Variants in ATP10D observed in about 807,000 individuals in gnomAD.
ATP10D encodes phospholipid-transporting ATPase VD.
Under a neutral mutation model 144.8 loss-of-function variants are expected in ATP10D, and 89 were observed. The observed-to-expected ratio is 0.61, with a 90% CI of 0.52 to 0.73. The LOEUF (loss-of-function observed/expected upper bound fraction) is 0.73. Ranked by LOEUF, ATP10D falls within the 30% of genes least tolerant of loss-of-function variation. The probability of loss-of-function intolerance (pLI) is 0.00; values close to 1 mark genes in which losing one functional copy is unlikely to be tolerated. For synonymous variants in ATP10D, 571 were observed against 615.1 expected, an observed-to-expected ratio of 0.93 and a Z score of 1.06; for missense variants, 1,603 against 1,714.8, an observed-to-expected ratio of 0.93 and a Z score of 1.15.
At chr4:47,508,759 G>T (rs1443626593) in intron 1 of ATP10D, among the ~76,000 whole-genome samples, 1 of 152,088 alleles carries the variant, frequency 6.6e-6, no homozygotes, top group Admixed American at 6.5e-5. Context: ...TTAAAATCTT[G>T]CTTTTATATG....
intron 15 of ATP10D, among the ~76,000 whole-genome samples, chr4:47,565,353 G>A (rs1719569518): frequency 6.6e-6 from 1 of 152,160 alleles, no homozygotes; most frequent in South Asian, 2.1e-4. Flanking sequence ...TCCCCTTTAC[G>A]GTGGCCCAGT....
chr4:47,502,208 T>C (rs1160459913), intron 1 of ATP10D, among the ~76,000 whole-genome samples: 18 of 152,210 alleles, frequency 1.2e-4, no homozygotes, highest in South Asian at 2.1e-4. Flanking sequence ...GGCGCGGTGG[T>C]TTGTGCCTGT....
Position 47,525,623 on chromosome 4 carries a change from A to C in ATP10D, c.757A>C (p.Ser253Arg). 1 of 1,613,224 alleles carries C rather than the reference A, an allele frequency of 6.2e-7. No individual in the cohort carries two copies. Among genetic ancestry groups the C allele is most frequent in the South Asian group, 1.1e-5 (1 of 91,066 alleles). ...IECESPNNDL[S>R]RFRGFLEHSN... ...ATGTGAAAGCCCAAACAATGACCTCAGCAGATTCCGAGGCTTCCTGTGAGT... is the reference window on the plus strand; with the variant it reads ...ATGTGAAAGCCCAAACAATGACCTCCGCAGATTCCGAGGCTTCCTGTGAGT... The change falls in exon 5 of 23, where the codon AGC (serine) becomes CGC (arginine). Residue 253 changes from serine to arginine, a missense_variant. Transcript: ENST00000273859.
chr4:47,554,983 T>C, intron 11 of ATP10D, 69 bp downstream of exon 11: 1 of 1,296,456 alleles, frequency 7.7e-7, no homozygotes, highest in Non-Finnish European at 1.1e-6. Flanking sequence ...AATGTATCTG[T>C]ACTGAGCTTG....
intron 1 of ATP10D, among the ~76,000 whole-genome samples, chr4:47,508,867 A>T (rs1450964357): frequency 4.6e-5 from 7 of 152,206 alleles, no homozygotes. Context: ...TTGCTGTAGG[A>T]CTAATGGTTT....
intron 18 of ATP10D, among the ~76,000 whole-genome samples, chr4:47,574,064 A>G (rs780733280): frequency 3.7e-4 from 57 of 152,210 alleles, no homozygotes; most frequent in Non-Finnish European, 7.2e-4. Context: ...GTAATTTACA[A>G]TTCTAGAACT....
At chr4:47,511,892 C>G (rs1042515484) in intron 1 of ATP10D, among the ~76,000 whole-genome samples, 1 of 152,180 alleles carries the variant, frequency 6.6e-6, no homozygotes, top group African/African-American at 2.4e-5. Flanking sequence ...AGAATAAGCT[C>G]CAGTGAACAA....
chr4:47,531,787 T>C lies in ATP10D; in HGVS notation c.777-3722T>C, dbSNP rs138272070. On this transcript the variant is annotated intron_variant, in intron 5 of 22. Transcript: ENST00000273859. ...ATTTTTTCACCTGAGGTCAGATCTG[T>C]CTTAGGGTGCAGCCTATTCAGCTGT... Among the ~76,000 whole-genome samples the C allele has an allele frequency of 3.5e-4, 53 of 152,256 alleles. No individual in the cohort carries two copies. In the East Asian group the frequency reaches 9.1e-3, roughly 26 times the overall value.
rs757594467 is a variant in ATP10D at position 47,535,990 on chromosome 4, G to A, written c.972G>A (p.Trp324Ter). The A allele has an allele frequency of 2.5e-6, 4 of 1,613,040 alleles. No individual in the cohort carries two copies. The South Asian group carries it at 4.4e-5, about 18-fold the overall frequency. The part of the protein sequence containing the change: ...LERRANTDVL[W>*]CVMLLVIMCL... ...GAAGAGCAAACACAGATGTCCTCTG[G>A]TGTGTCATGCTTCTGGTCATAATGT... The change falls in exon 7 of 23, where the codon TGG (tryptophan) becomes TGA (stop). Residue 324 changes from tryptophan (W) to a stop codon, truncating the protein, a stop_gained. Coordinates refer to ENST00000273859, the MANE Select transcript of ATP10D (RefSeq NM_020453.4). LOFTEE classifies it high-confidence loss of function.
At chr4:47,520,561 TTTTTG>T (rs1156481129) in intron 3 of ATP10D, among the ~76,000 whole-genome samples, 1 of 152,128 alleles carries the variant, frequency 6.6e-6, no homozygotes, top group East Asian at 1.9e-4. Flanking sequence ...GGTAACTTCT[TTTTTG>T]TTTTGTTTTG....
intron 1 of ATP10D, among the ~76,000 whole-genome samples, chr4:47,505,205 G>A (rs540972229): frequency 6.6e-6 from 1 of 152,314 alleles, no homozygotes; most frequent in South Asian, 2.1e-4. Context: ...CATAGCTGAG[G>A]TTACACATTC....
At chr4:47,553,883 A>T (rs1718844406) in intron 10 of ATP10D, among the ~76,000 whole-genome samples, 1 of 152,224 alleles carries the variant, frequency 6.6e-6, no homozygotes, top group African/African-American at 2.4e-5. Context: ...TTTGCAGGCC[A>T]GCTGCCTCTA....
intron 5 of ATP10D, 117 bp from the exon 6 acceptor site, chr4:47,535,392 C>A: frequency 1.4e-6 from 1 of 711,432 alleles, no homozygotes; most frequent in Non-Finnish European, 2.2e-6. Flanking sequence ...GATTTGAAAA[C>A]TTTCTTGTGA....
chr4:47,527,849 C>A (rs1393329614), intron 5 of ATP10D, among the ~76,000 whole-genome samples: 2 of 152,060 alleles, frequency 1.3e-5, no homozygotes, highest in African/African-American at 2.4e-5. Flanking sequence ...AAAAGCTAAG[C>A]ATATGCCCAT....
At chr4:47,588,268 A>G (rs749389429) in intron 22 of ATP10D, among the ~76,000 whole-genome samples, 44 of 152,188 alleles carry the variant, frequency 2.9e-4, no homozygotes, top group Non-Finnish European at 1.0e-4. Context: ...AGAACTCATC[A>G]TCTCTGCAGT....
At chr4:47,490,964 T>C (rs1715040060) in intron 1 of ATP10D, 2 of 575,822 alleles carry the variant, frequency 3.5e-6, no homozygotes, top group African/African-American at 1.9e-5. Flanking sequence ...TTTTATTTTA[T>C]TTATTTTGTT....
In ATP10D at chr4:47,587,055, T is replaced by A. The variant is rs1290341699; in HGVS notation, c.3790T>A (p.Leu1264Met). 1 of 1,614,040 alleles carries A rather than the reference T, an allele frequency of 6.2e-7. No homozygotes were observed. Among genetic ancestry groups the A allele is most frequent in the Non-Finnish European group, 8.5e-7 (1 of 1,179,942 alleles). ...IHLLVIIGSI[L>M]SYFLFAIVFG... ...CTTGCTGGTCATCATTGGTAGCATC[T>A]TGTCTTATTTTTTATTTGCCATAGT... Residue 1264 changes from leucine to methionine, a missense_variant, in exon 22 of 23, where the codon TTG becomes ATG. By Grantham distance (15) the Leu-to-Met change is conservative. Coordinates refer to ENST00000273859, the MANE Select transcript of ATP10D (RefSeq NM_020453.4).
chr4:47,573,419 G>T (rs1720066990), intron 18 of ATP10D, among the ~76,000 whole-genome samples: 1 of 152,200 alleles, frequency 6.6e-6, no homozygotes, highest in Non-Finnish European at 1.5e-5. Context: ...TTATAATAAA[G>T]ACACAGATAC....
At chr4:47,502,028 A>G (rs947539878) in intron 1 of ATP10D, among the ~76,000 whole-genome samples, 2 of 152,116 alleles carry the variant, frequency 1.3e-5, no homozygotes, top group Non-Finnish European at 2.9e-5. Flanking sequence ...CATATTAGGA[A>G]CTCACCATAA....
Sources: gnomAD v4.1 joint callset for allele counts (sites outside exome capture counted in the v4.1 genomes callset) on GRCh38, gnomAD v4.1.1 for gene constraint, MANE v1.5 for transcripts, NCBI Gene and HGNC (gene_info 2026-07-23, HGNC 2026-07-21) for gene names.